MACROD2: variants seen among roughly 807,000 people sequenced by gnomAD.
MACROD2 encodes the protein mono-ADP ribosylhydrolase 2, also known as ADP-ribose glycohydrolase MACROD2.
A neutral mutation model predicts 70.4 loss-of-function variants in MACROD2; 36 were observed. That is an observed-to-expected ratio of 0.51 (90% CI 0.39 to 0.68). MACROD2 has a LOEUF of 0.68. Among genes scored for constraint, MACROD2 ranks in the 30% least tolerant of loss-of-function variants. The pLI is 0.00. For missense variants in MACROD2, 496 were observed against 538.4 expected, an observed-to-expected ratio of 0.92 and a Z score of 0.78; for synonymous variants, 172 against 178.8, an observed-to-expected ratio of 0.96 and a Z score of 0.30.
At chr20:15,959,208 G>A (rs1295989219) in intron 12 of MACROD2, among the ~76,000 whole-genome samples, 3 of 151,980 alleles carry the variant, frequency 2.0e-5, no homozygotes, top group South Asian at 2.1e-4. Context: ...GTTTTAACAC[G>A]TTTTTCTCAG....
intron 3 of MACROD2, among the ~76,000 whole-genome samples, chr20:14,166,855 A>C (rs1486900301): frequency 2.0e-5 from 3 of 151,922 alleles, no homozygotes; most frequent in Non-Finnish European, 4.4e-5. Flanking sequence ...GTCTACTCCC[A>C]CCTCCCTGAA....
chr20:15,477,549 C>T (rs1272891465), intron 7 of MACROD2, among the ~76,000 whole-genome samples: 1 of 151,990 alleles, frequency 6.6e-6, no homozygotes, highest in Non-Finnish European at 1.5e-5. Context: ...GAGGCAATCC[C>T]TCTCAGTTGG....
intron 8 of MACROD2, among the ~76,000 whole-genome samples, chr20:15,661,428 C>T (rs1022076762): frequency 6.6e-6 from 1 of 152,068 alleles, no homozygotes; most frequent in South Asian, 2.1e-4. Flanking sequence ...CCTGAAGGTG[C>T]CCTGACTTTC....
At chr20:14,301,094 A>G (rs2082471116) in intron 3 of MACROD2, among the ~76,000 whole-genome samples, 1 of 152,134 alleles carries the variant, frequency 6.6e-6, no homozygotes, top group Admixed American at 6.5e-5. Flanking sequence ...TCATTTTCAG[A>G]AATGGAGTTG....
intron 5 of MACROD2, among the ~76,000 whole-genome samples, chr20:15,084,218 C>A (rs2075729959): frequency 1.3e-5 from 2 of 152,062 alleles, no homozygotes; most frequent in Admixed American, 1.3e-4. Context: ...AGGTGTGCAT[C>A]ACCATTCCCG....
chr20:15,809,812 A>T (rs1450084859), intron 8 of MACROD2, among the ~76,000 whole-genome samples: 3 of 151,494 alleles, frequency 2.0e-5, no homozygotes, highest in Non-Finnish European at 4.4e-5. Flanking sequence ...AAATACAGGG[A>T]GAGTCAGTCT....
chr20:15,127,200 G>C (rs1386463827), intron 5 of MACROD2, among the ~76,000 whole-genome samples: 2 of 151,978 alleles, frequency 1.3e-5, no homozygotes, highest in African/African-American at 2.4e-5. Context: ...AAAGATCCTA[G>C]CCCACCCTTT....
chr20:15,279,764 C>T (rs1405892186), intron 6 of MACROD2, among the ~76,000 whole-genome samples: 1 of 152,154 alleles, frequency 6.6e-6, no homozygotes, highest in Non-Finnish European at 1.5e-5. Flanking sequence ...GTGGTAACAT[C>T]TTTTAAGCAT....
intron 6 of MACROD2, among the ~76,000 whole-genome samples, chr20:15,340,110 T>TTTTCTTTCTTTC (rs1300054535): frequency 9.2e-6 from 1 of 108,428 alleles, no homozygotes; most frequent in Non-Finnish European, 1.8e-5. Flanking sequence ...TCTTTTTCTT[T>TTTTCTTTCTTTC]TTTCTTTCTT....
intron 5 of MACROD2, among the ~76,000 whole-genome samples, chr20:14,923,438 A>G (rs2074188027): frequency 6.6e-6 from 1 of 152,062 alleles, no homozygotes; most frequent in South Asian, 2.1e-4. Flanking sequence ...CTGACTTTCT[A>G]ATTTATCACA....
chr20:15,094,874 G>C lies in MACROD2; in HGVS notation c.419-135066G>C, dbSNP rs562168408. Among the ~76,000 whole-genome samples the C allele has an allele frequency of 1.8e-3, 269 of 152,152 alleles. 2 individuals carry two copies. Among genetic ancestry groups the C allele is most frequent in the African/African-American group, 5.9e-3 (245 of 41,500 alleles). ...GAAATTAACATAGGGACATCAATGA[G>C]AGATCTATAACAGGAAAGATTATAG... On this transcript the variant is annotated intron_variant, in intron 5 of 17. Coordinates refer to ENST00000684519, the MANE Select transcript of MACROD2 (RefSeq NM_001351661.2).
rs5840671 is a variant in MACROD2, at chr20:15,551,868, C to CAAA, written c.645+52037_645+52039dup. ...TGGCAGACAGAGTGAGACCCTGCCT[C>CAAA]AAAAAAAAAAAAAAAAAAGAATATT... On this transcript the variant is annotated intron_variant, in intron 8 of 17. Transcript: ENST00000684519. Among the ~76,000 whole-genome samples the CAAA allele has an allele frequency of 2.5e-3, 305 of 121,750 alleles. 4 individuals carry two copies. The highest frequency in any genetic ancestry group is 8.2e-3 in the African/African-American group (262 of 32,120). The allele number at this position is 121,750 out of a possible 152,430, so 79.9% of individuals were successfully genotyped here.
At chr20:14,041,007 G>C (rs1328608879) in intron 2 of MACROD2, among the ~76,000 whole-genome samples, 1 of 152,146 alleles carries the variant, frequency 6.6e-6, no homozygotes, top group Non-Finnish European at 1.5e-5. Context: ...CTTGAGTGAA[G>C]AAGAAAAATA....
intron 3 of MACROD2, among the ~76,000 whole-genome samples, chr20:14,393,534 A>G (rs2083549761): frequency 6.6e-6 from 1 of 152,076 alleles, no homozygotes; most frequent in Admixed American, 6.6e-5. Context: ...GCCATGCGTA[A>G]TATCTGCTCT....
At chr20:15,491,049 GAT>G (rs1468684455) in intron 7 of MACROD2, among the ~76,000 whole-genome samples, 2 of 152,146 alleles carry the variant, frequency 1.3e-5, no homozygotes, top group Non-Finnish European at 2.9e-5. Flanking sequence ...AGGTAACACA[GAT>G]AAATGCTACT....
At chr20:14,276,129 G>A (rs932445556) in intron 3 of MACROD2, among the ~76,000 whole-genome samples, 3 of 152,176 alleles carry the variant, frequency 2.0e-5, no homozygotes, top group Non-Finnish European at 2.9e-5. Flanking sequence ...ATTACTGGGT[G>A]TATACCCAAA....
intron 5 of MACROD2, among the ~76,000 whole-genome samples, chr20:15,026,801 A>T (rs980208135): frequency 1.3e-5 from 2 of 152,192 alleles, no homozygotes; most frequent in Admixed American, 1.3e-4. Context: ...ACGCATTCAG[A>T]GCCAAGCTCA....
At chr20:15,381,859 G>C (rs539372259) in intron 6 of MACROD2, among the ~76,000 whole-genome samples, 1 of 152,140 alleles carries the variant, frequency 6.6e-6, no homozygotes, top group African/African-American at 2.4e-5. Flanking sequence ...CCTCTAAAAG[G>C]AGGCTGCCCA....
intron 4 of MACROD2, among the ~76,000 whole-genome samples, chr20:14,571,642 G>T (rs1156920713): frequency 6.6e-6 from 1 of 152,026 alleles, no homozygotes; most frequent in Non-Finnish European, 1.5e-5. Flanking sequence ...AGGGTCTTAA[G>T]CATTTTTAAT....
Sources: gnomAD v4.1 joint callset for allele counts (sites outside exome capture counted in the v4.1 genomes callset) on GRCh38, gnomAD v4.1.1 for gene constraint, MANE v1.5 for transcripts, NCBI Gene and HGNC (gene_info 2026-07-23, HGNC 2026-07-21) for gene names.